LCOR: variants seen among roughly 807,000 people sequenced by gnomAD.
LCOR encodes the protein ligand dependent nuclear receptor corepressor.
In LCOR, 14 loss-of-function variants were observed where a neutral mutation model predicts 64.4. The observed-to-expected ratio is 0.22, with a 90% CI of 0.14 to 0.34. The LOEUF (loss-of-function observed/expected upper bound fraction) is 0.34, where lower values mean the gene tolerates loss of function less well. LCOR is among the 10% of genes least tolerant of loss of function. The pLI is 1.00. For missense variants in LCOR, 1,686 were observed against 1,765.3 expected, an observed-to-expected ratio of 0.96 and a Z score of 0.80; for synonymous variants, 643 against 642.5, an observed-to-expected ratio of 1.00 and a Z score of -0.01.
chr10:96,957,567 T>C, intron 7 of LCOR: 1 of 985,352 alleles, frequency 1.0e-6, no homozygotes, highest in Non-Finnish European at 1.2e-6. Context: ...CAAACATTAT[T>C]GGAGTTTCAG....
At chr10:96,889,943 C>T (rs183701148) in intron 2 of LCOR, among the ~76,000 whole-genome samples, 2 of 152,212 alleles carry the variant, frequency 1.3e-5, no homozygotes, top group East Asian at 3.9e-4. Context: ...AATGCTGGGT[C>T]ATTTGGTAAT....
chr10:96,954,827 AAAAT>A (rs912874167), intron 7 of LCOR: 15 of 593,604 alleles, frequency 2.5e-5, no homozygotes, highest in Admixed American at 1.2e-4. Flanking sequence ...ATTTTAGAGA[AAAAT>A]AAATAAATAA....
intron 4 of LCOR, among the ~76,000 whole-genome samples, chr10:96,928,642 T>G (rs945234429): frequency 2.0e-5 from 3 of 152,174 alleles, no homozygotes; most frequent in Non-Finnish European, 4.4e-5. Context: ...ATTTTGTTCT[T>G]CTCTCTTGAA....
chr10:96,979,710 C>T (rs1271962268), intron 7 of LCOR, among the ~76,000 whole-genome samples: 3 of 152,100 alleles, frequency 2.0e-5, no homozygotes, highest in Admixed American at 6.5e-5. Flanking sequence ...TAAGAGACTG[C>T]GAATTGGGAC....
chr10:96,900,536 AAAAG>A (rs1034637210), intron 2 of LCOR, among the ~76,000 whole-genome samples: 16 of 152,132 alleles, frequency 1.1e-4, no homozygotes, highest in Non-Finnish European at 2.1e-4. Flanking sequence ...AAAAAACTAA[AAAAG>A]AAACTGATAG....
chr10:96,895,464 A>G (rs749683737), intron 2 of LCOR, among the ~76,000 whole-genome samples: 2 of 152,112 alleles, frequency 1.3e-5, no homozygotes, highest in Non-Finnish European at 2.9e-5. Context: ...ATAGTCTCCT[A>G]ATGCTTTATC....
At chr10:96,847,347 C>CAAA in intron 2 of LCOR, among the ~76,000 whole-genome samples, 1 of 74,268 alleles carries the variant, frequency 1.3e-5, no homozygotes, top group African/African-American at 4.7e-5. Flanking sequence ...CTTAATTTTT[C>CAAA]AAAAAAAAAA....
chr10:96,932,141 A>C (rs1847271986), intron 4 of LCOR, among the ~76,000 whole-genome samples: 1 of 152,200 alleles, frequency 6.6e-6, no homozygotes, highest in Non-Finnish European at 1.5e-5. Context: ...TTTCCTTCCT[A>C]AATGCTAAGA....
At chr10:96,869,490 C>T (rs540736195) in intron 2 of LCOR, among the ~76,000 whole-genome samples, 7 of 152,044 alleles carry the variant, frequency 4.6e-5, no homozygotes, top group African/African-American at 1.7e-4. Context: ...GTTAGGATTA[C>T]AGGTATGAGC....
At chr10:96,870,205 A>G (rs187566688) in intron 2 of LCOR, among the ~76,000 whole-genome samples, 12 of 151,722 alleles carry the variant, frequency 7.9e-5, no homozygotes, top group African/African-American at 2.7e-4. Context: ...TGTTTTTTGT[A>G]GAGACGGGGT....
intron 7 of LCOR, chr10:96,955,293 G>A (rs754999063): frequency 4.1e-5 from 66 of 1,613,884 alleles, no homozygotes; most frequent in Non-Finnish European, 5.3e-5. Flanking sequence ...TCCTTTTCTT[G>A]CAGAAAACTC....
At chr10:96,973,120 C>T (rs1848012283) in intron 7 of LCOR, among the ~76,000 whole-genome samples, 1 of 152,188 alleles carries the variant, frequency 6.6e-6, no homozygotes, top group Non-Finnish European at 1.5e-5. Context: ...GTTCTATCTA[C>T]ATCCAAATTT....
intron 4 of LCOR, among the ~76,000 whole-genome samples, chr10:96,916,587 C>CTATATATATATATATATATATA (rs71976703): frequency 7.2e-6 from 1 of 138,250 alleles, no homozygotes; most frequent in African/African-American, 2.8e-5. Context: ...TATTTAAAGG[C>CTATATATATATATATATATATA]TATATATATA....
intron 5 of LCOR, among the ~76,000 whole-genome samples, chr10:96,944,732 A>G (rs1256012851): frequency 2.0e-5 from 3 of 152,026 alleles, no homozygotes; most frequent in South Asian, 4.1e-4. Flanking sequence ...AATTAGGGAA[A>G]TAATTATTAT....
intron 7 of LCOR, among the ~76,000 whole-genome samples, chr10:96,980,137 G>T (rs1848071468): frequency 6.7e-6 from 1 of 148,532 alleles, no homozygotes; most frequent in Non-Finnish European, 1.5e-5. Flanking sequence ...GAGCAAGACT[G>T]TCTCCATTAA....
chr10:96,860,845 C>T (rs1564606234), intron 2 of LCOR, among the ~76,000 whole-genome samples: 1 of 152,092 alleles, frequency 6.6e-6, no homozygotes, highest in East Asian at 1.9e-4. Context: ...ACTCAGCAGT[C>T]ATGTGTGAAA....
chr10:96,843,368 A>G (rs552795484), intron 2 of LCOR, among the ~76,000 whole-genome samples: 15 of 152,270 alleles, frequency 9.9e-5, no homozygotes, highest in Admixed American at 9.2e-4. Context: ...CCTGGCCTCA[A>G]GTGGTCCTCC....
At chr10:96,958,232 G>A in intron 7 of LCOR, 1 of 1,330,412 alleles carries the variant, frequency 7.5e-7, no homozygotes, top group East Asian at 2.7e-5. Context: ...CATCACTAAA[G>A]GCCCATTAAA....
At chr10:96,889,399 G>A (rs972672564) in intron 2 of LCOR, among the ~76,000 whole-genome samples, 1 of 152,198 alleles carries the variant, frequency 6.6e-6, no homozygotes, top group Admixed American at 6.5e-5. Context: ...TAGTTCTGAA[G>A]GCTGGAAGTA....
Sources: allele counts gnomAD v4.1 joint callset (sites outside exome capture counted in the v4.1 genomes callset), GRCh38; gene constraint gnomAD v4.1.1; transcripts MANE v1.5; gene names NCBI Gene and HGNC (gene_info 2026-07-23, HGNC 2026-07-21).